The following ZNF385D variants were observed in gnomAD, a reference collection of about 807,000 sequenced individuals.
ZNF385D encodes the protein zinc finger protein 385D, also known as zinc finger protein 659.
ZNF385D carries 15 observed loss-of-function variants against 35.8 expected under a neutral mutation model. The observed-to-expected ratio is 0.42, with a 90% CI of 0.28 to 0.64. The LOEUF is 0.64. Ranked by LOEUF, ZNF385D falls within the 30% of genes least tolerant of loss-of-function variation. The pLI is 0.23. For missense variants in ZNF385D, 474 were observed against 494.6 expected, an observed-to-expected ratio of 0.96 and a Z score of 0.39; for synonymous variants, 212 against 186.8, an observed-to-expected ratio of 1.13 and a Z score of -1.10.
At chr3:21,422,860 G>T (rs1700808516) in intron 7 of ZNF385D, among the ~76,000 whole-genome samples, 1 of 152,000 alleles carries the variant, frequency 6.6e-6, no homozygotes, top group African/African-American at 2.4e-5. Context: ...AGCCGTGTAT[G>T]ACAAACCCAC....
At chr3:22,229,290 T>A (rs141327807) in intron 2 of ZNF385D, among the ~76,000 whole-genome samples, 1 of 152,202 alleles carries the variant, frequency 6.6e-6, no homozygotes, top group African/African-American at 2.4e-5. Context: ...TGGCCACTTA[T>A]TTGTGAGAGG....
intron 3 of ZNF385D, among the ~76,000 whole-genome samples, chr3:21,962,284 G>C (rs910828197): frequency 1.3e-5 from 2 of 152,060 alleles, no homozygotes; most frequent in Non-Finnish European, 1.5e-5. Context: ...GGGGAAAATG[G>C]TATGTGTGGA....
At chr3:21,989,239 C>T (rs771948081) in intron 3 of ZNF385D, among the ~76,000 whole-genome samples, 10 of 152,170 alleles carry the variant, frequency 6.6e-5, no homozygotes, top group Non-Finnish European at 1.3e-4. Context: ...TTTAACCTTA[C>T]ATATCAAAGC....
intron 4 of ZNF385D, among the ~76,000 whole-genome samples, chr3:21,461,656 T>C (rs961532508): frequency 1.8e-4 from 28 of 152,230 alleles, no homozygotes; most frequent in Admixed American, 1.4e-3. Flanking sequence ...AAATTCAAAT[T>C]ATTCATGTTG....
chr3:22,301,604 G>A (rs983791975), intron 2 of ZNF385D, among the ~76,000 whole-genome samples: 1 of 151,798 alleles, frequency 6.6e-6, no homozygotes, highest in Admixed American at 6.6e-5. Flanking sequence ...AGGTAAAAAC[G>A]TTCAGACATA....
At chr3:21,469,095 T>A (rs1175911635) in intron 4 of ZNF385D, among the ~76,000 whole-genome samples, 2 of 152,186 alleles carry the variant, frequency 1.3e-5, no homozygotes, top group African/African-American at 4.8e-5. Context: ...ATATCTTGAC[T>A]AAGGTGATGG....
At chr3:22,350,255 T>G (rs1485514461) in intron 2 of ZNF385D, among the ~76,000 whole-genome samples, 1 of 152,152 alleles carries the variant, frequency 6.6e-6, no homozygotes, top group Non-Finnish European at 1.5e-5. Context: ...TGCATTGTTT[T>G]TATGTCTTTT....
intron 3 of ZNF385D, among the ~76,000 whole-genome samples, chr3:21,921,502 A>G (rs544722103): frequency 6.6e-6 from 1 of 150,752 alleles, no homozygotes; most frequent in East Asian, 2.0e-4. Context: ...TTTATTTTTC[A>G]TATGCCCAGA....
At chr3:22,168,505 A>G (rs1386193150) in intron 3 of ZNF385D, 4 of 152,334 alleles carry the variant, frequency 2.6e-5, no homozygotes, top group South Asian at 2.1e-4. Flanking sequence ...ACTGTCCTAT[A>G]CACTGTAAAA....
rs77354355 is a variant in ZNF385D at position 22,159,194 on chromosome 3, A to G, written c.325+9623T>C. Among the ~76,000 whole-genome samples, 736 of 152,178 alleles carry G rather than the reference A, an allele frequency of 4.8e-3. 5 individuals carry two copies. Among genetic ancestry groups the G allele is most frequent in the African/African-American group, 0.016 (646 of 41,538 alleles). On this transcript the variant is annotated intron_variant, in intron 3 of 5. Coordinates refer to the ZNF385D transcript ENST00000494108. Reference sequence around the variant, plus strand: ...AGTGCTGTAAGCTGCCAATACCTTCAAGTTCTTCAAACTTCCCTAAACACA... The same window carrying G: ...AGTGCTGTAAGCTGCCAATACCTTCGAGTTCTTCAAACTTCCCTAAACACA...
chr3:21,889,524 G>C (rs1234224604), intron 3 of ZNF385D, among the ~76,000 whole-genome samples: 2 of 152,112 alleles, frequency 1.3e-5, no homozygotes, highest in Non-Finnish European at 2.9e-5. Context: ...TGTCCATCTG[G>C]CCATTTGAGA....
exon 3 of ZNF385D, chr3:22,168,839 A>C (rs975902004): frequency 1.0e-6 from 1 of 985,732 alleles, no homozygotes; most frequent in African/African-American, 1.7e-5. Context: ...TCAGCGTCCC[A>C]TTGCTGAGTT....
At chr3:22,042,374 T>C (rs1698720256) in intron 3 of ZNF385D, among the ~76,000 whole-genome samples, 1 of 152,102 alleles carries the variant, frequency 6.6e-6, no homozygotes, top group East Asian at 1.9e-4. Context: ...CAGTTGACGA[T>C]GAATACTTAA....
chr3:21,770,371 A>T (rs774345268), intron 3 of ZNF385D, among the ~76,000 whole-genome samples: 2 of 152,058 alleles, frequency 1.3e-5, no homozygotes, highest in Non-Finnish European at 2.9e-5. Flanking sequence ...GAATCTACAA[A>T]GAACTCAAAC....
chr3:21,971,982 G>C (rs879451470), intron 3 of ZNF385D, among the ~76,000 whole-genome samples: 1 of 151,908 alleles, frequency 6.6e-6, no homozygotes, highest in Admixed American at 6.6e-5. Context: ...GAGTTATCAA[G>C]AGAGGTAGAT....
chr3:21,933,937 GC>G (rs34612997), intron 3 of ZNF385D, among the ~76,000 whole-genome samples: 28,294 of 151,650 alleles, frequency 0.19, 3,381 homozygotes, highest in East Asian at 0.38. Flanking sequence ...AAGGTACTTA[GC>G]AAAGTTGCCT....
At chr3:22,084,224 A>G (rs2125588798) in intron 3 of ZNF385D, among the ~76,000 whole-genome samples, 1 of 152,322 alleles carries the variant, frequency 6.6e-6, no homozygotes, top group Middle Eastern at 3.4e-3. Flanking sequence ...TCAAATTCAC[A>G]CATAACAATA....
intron 2 of ZNF385D, among the ~76,000 whole-genome samples, chr3:22,242,027 A>T (rs1446607650): frequency 4.1e-5 from 6 of 147,862 alleles, no homozygotes; most frequent in Non-Finnish European, 7.4e-5. Flanking sequence ...TTGAACAATG[A>T]GATCGCATGG....
intron 4 of ZNF385D, among the ~76,000 whole-genome samples, chr3:21,452,014 T>G (rs1408382839): frequency 6.6e-6 from 1 of 152,050 alleles, no homozygotes; most frequent in African/African-American, 2.4e-5. Context: ...GCACAAATAT[T>G]GCTAAGACTA....
Sources: allele counts gnomAD v4.1 joint callset (sites outside exome capture counted in the v4.1 genomes callset), GRCh38; gene constraint gnomAD v4.1.1; transcripts MANE v1.5; gene names NCBI Gene and HGNC (gene_info 2026-07-23, HGNC 2026-07-21).